Variants in ATG4A observed in about 807,000 individuals in gnomAD.
ATG4A encodes the protein autophagy related 4A cysteine peptidase, also known as cysteine protease ATG4A.
Under a neutral mutation model 38.4 loss-of-function variants are expected in ATG4A, and 22 were observed. The observed-to-expected ratio is 0.57, with a 90% CI of 0.41 to 0.82. The LOEUF is 0.82. Among genes scored for constraint, ATG4A ranks in the 40% least tolerant of loss-of-function variants. The pLI is 0.00. For missense variants in ATG4A, 220 were observed against 290.0 expected, an observed-to-expected ratio of 0.76 and a Z score of 1.75; for synonymous variants, 86 against 100.7, an observed-to-expected ratio of 0.85 and a Z score of 0.88.
chrX:108,140,810 T>A (rs1447670961), intron 9 of ATG4A, among the ~76,000 whole-genome samples: 1 of 98,204 alleles, frequency 1.0e-5, no homozygotes, highest in African/African-American at 3.7e-5. Flanking sequence ...ATATATAAAA[T>A]ATATATAAAA....
At chrX:108,125,183 G>A (rs895129318) in intron 1 of ATG4A, among the ~76,000 whole-genome samples, 9 of 110,332 alleles carry the variant, frequency 8.2e-5, no homozygotes, top group Admixed American at 6.8e-4. Context: ...TTAAAGAGAT[G>A]GGGGTTGGCA....
upstream of ATG4A, among the ~76,000 whole-genome samples, chrX:108,089,657 A>T (rs1477522386): frequency 1.8e-5 from 2 of 109,966 alleles, no homozygotes; most frequent in African/African-American, 6.6e-5. Flanking sequence ...ACATGGTGAA[A>T]CTCCGTCTCT....
At chrX:108,106,959 TA>T in intron 1 of ATG4A, among the ~76,000 whole-genome samples, 1 of 112,033 alleles carries the variant, frequency 8.9e-6, no homozygotes, top group Middle Eastern at 4.6e-3. Context: ...TCATATTAAT[TA>T]GCTTGATTTA....
At chrX:108,110,700 T>A (rs1186699958) in intron 1 of ATG4A, among the ~76,000 whole-genome samples, 2 of 112,281 alleles carry the variant, frequency 1.8e-5, no homozygotes, top group Non-Finnish European at 3.8e-5. Flanking sequence ...ATGTGGTATT[T>A]AACTTTCTGT....
chrX:108,133,866 T>C (rs776608660), intron 4 of ATG4A, among the ~76,000 whole-genome samples, 191 bp from the exon 5 acceptor site: 1 of 112,414 alleles, frequency 8.9e-6, no homozygotes, highest in East Asian at 2.8e-4. Flanking sequence ...CACTGAGTCC[T>C]TGAAAGCAAT....
intron 9 of ATG4A, among the ~76,000 whole-genome samples, chrX:108,149,076 G>A (rs1339178819): frequency 8.9e-6 from 1 of 112,877 alleles, no homozygotes; most frequent in African/African-American, 3.2e-5. Flanking sequence ...GTTTATGACA[G>A]AAAAATGTTA....
Position 108,152,968 on chromosome X carries a change from C to T in ATG4A, c.1018-11C>T, listed in dbSNP as rs776276202. Reference sequence around the variant, plus strand: ...TCTGAAGTATTTAAAACTGTTTTGTCATCTCCCCAGGAAATTCTAAAGGAG... The same window carrying T: ...TCTGAAGTATTTAAAACTGTTTTGTTATCTCCCCAGGAAATTCTAAAGGAG... On this transcript the variant is annotated splice_polypyrimidine_tract_variant and intron_variant, in intron 11 of 12. Coordinates refer to ENST00000372232, the MANE Select transcript of ATG4A (RefSeq NM_052936.5). 2 of 1,164,650 alleles carry T rather than the reference C, an allele frequency of 1.7e-6. No homozygotes were observed. Among genetic ancestry groups the T allele is most frequent in the Non-Finnish European group, 1.2e-6 (1 of 853,263 alleles).
At chrX:108,148,020 AATATATATAT>A (rs60886281) in intron 9 of ATG4A, among the ~76,000 whole-genome samples, 51 of 80,077 alleles carry the variant, frequency 6.4e-4, no homozygotes, top group East Asian at 5.4e-3. Context: ...ACTAATGGAA[AATATATATAT>A]ATATATATAT....
intron 4 of ATG4A, among the ~76,000 whole-genome samples, chrX:108,132,119 G>T (rs1342565670): frequency 9.0e-6 from 1 of 111,560 alleles, no homozygotes; most frequent in Non-Finnish European, 1.9e-5. Flanking sequence ...GGCTGATCTC[G>T]AACTCCTGAC....
chrX:108,091,540 C>T, upstream of ATG4A: 1 of 1,196,040 alleles, frequency 8.4e-7, no homozygotes, highest in Non-Finnish European at 1.1e-6. Context: ...CCAGCAACTA[C>T]TTGTCGCGCG....
chrX:108,094,617 A>G (rs985796579), intron 1 of ATG4A, among the ~76,000 whole-genome samples: 6 of 112,162 alleles, frequency 5.3e-5, no homozygotes, highest in Admixed American at 9.4e-5. Flanking sequence ...TTAGACTGGC[A>G]TTATGTGTTT....
At chrX:108,135,592 T>C (rs1207594694) in intron 6 of ATG4A, among the ~76,000 whole-genome samples, 1 of 111,664 alleles carries the variant, frequency 9.0e-6, no homozygotes, top group Non-Finnish European at 1.9e-5. Context: ...TGGGCATCGC[T>C]GACTCTGCTG....
chrX:108,124,539 C>T (rs1216687004), intron 1 of ATG4A, among the ~76,000 whole-genome samples: 1 of 109,415 alleles, frequency 9.1e-6, no homozygotes, highest in Non-Finnish European at 1.9e-5. Context: ...GCAACCTCGG[C>T]CTCCTGGGTT....
At chrX:108,099,304 A>G (rs1414830935) in intron 1 of ATG4A, among the ~76,000 whole-genome samples, 2 of 111,025 alleles carry the variant, frequency 1.8e-5, no homozygotes, top group Non-Finnish European at 3.8e-5. Flanking sequence ...TCATTTAAAT[A>G]TCTCTTTATA....
At chrX:108,126,856 G>A (rs1569306875) in intron 2 of ATG4A, 5 of 808,629 alleles carry the variant, frequency 6.2e-6, no homozygotes, top group Non-Finnish European at 8.3e-6. Context: ...TAAAGCCAGA[G>A]CTTGGAAAGA....
chrX:108,098,750 A>G (rs1344417387), intron 1 of ATG4A, among the ~76,000 whole-genome samples: 1 of 111,965 alleles, frequency 8.9e-6, no homozygotes, highest in African/African-American at 3.2e-5. Flanking sequence ...ATCATAAAGT[A>G]TGTGACCTTT....
At chrX:108,134,514 T>C in intron 6 of ATG4A, 103 bp downstream of exon 6, 2 of 724,555 alleles carry the variant, frequency 2.8e-6, no homozygotes, top group South Asian at 5.4e-5. Flanking sequence ...GCAATCCCGC[T>C]AAGCTACTCC....
At chrX:108,099,562 GTC>G (rs1355253918) in intron 1 of ATG4A, among the ~76,000 whole-genome samples, 1 of 111,274 alleles carries the variant, frequency 9.0e-6, no homozygotes, top group Non-Finnish European at 1.9e-5. Flanking sequence ...CATCTAAGAA[GTC>G]TTCACCAAGT....
intron 1 of ATG4A, among the ~76,000 whole-genome samples, chrX:108,112,634 A>G (rs1232641015): frequency 9.1e-6 from 1 of 110,337 alleles, no homozygotes; most frequent in Non-Finnish European, 1.9e-5. Context: ...TGACCTCGTG[A>G]TCCGCCCGCC....
Sources: allele counts gnomAD v4.1 joint callset (sites outside exome capture counted in the v4.1 genomes callset), GRCh38; gene constraint gnomAD v4.1.1; transcripts MANE v1.5; gene names NCBI Gene and HGNC (gene_info 2026-07-23, HGNC 2026-07-21).